ARB2A: variants seen among roughly 807,000 people sequenced by gnomAD.
ARB2A encodes ARB2 cotranscriptional regulator A.
chr5:94,001,339 C>T, the ARB2A span, among the ~76,000 whole-genome samples: 642 of 152,180 alleles, frequency 4.2e-3, 2 homozygotes, highest in Middle Eastern at 6.8e-3. Context: ...TAGTTTTCCT[C>T]AAGTAGCTCG....
At chr5:93,792,087 G>C in the ARB2A span, among the ~76,000 whole-genome samples, 3 of 152,076 alleles carry the variant, frequency 2.0e-5, no homozygotes, top group African/African-American at 7.2e-5. Flanking sequence ...AAAACAGCTA[G>C]TATCTATTAT....
At chr5:94,053,303 TTAAAG>T in the ARB2A span, 3 of 803,236 alleles carry the variant, frequency 3.7e-6, no homozygotes, top group Non-Finnish European at 5.7e-6. Flanking sequence ...TTAATTTAAT[TTAAAG>T]TATTCTTTGT....
the ARB2A span, among the ~76,000 whole-genome samples, chr5:93,641,646 C>T: frequency 1.3e-5 from 2 of 151,884 alleles, no homozygotes; most frequent in African/African-American, 4.8e-5. Flanking sequence ...CTTTGGAAAC[C>T]ACAATAATAA....
the ARB2A span, among the ~76,000 whole-genome samples, chr5:93,910,488 C>T: frequency 6.6e-6 from 1 of 151,136 alleles, no homozygotes; most frequent in Non-Finnish European, 1.5e-5. Context: ...GGGTAAACTA[C>T]TTAGGTAAAA....
chr5:93,982,830 G>A, the ARB2A span, among the ~76,000 whole-genome samples: 8 of 152,298 alleles, frequency 5.3e-5, no homozygotes, highest in South Asian at 4.1e-4. Flanking sequence ...TGAGGTGGGC[G>A]GATCACCTGA....
At chr5:93,720,867 C>A in the ARB2A span, among the ~76,000 whole-genome samples, 1 of 152,078 alleles carries the variant, frequency 6.6e-6, no homozygotes. Flanking sequence ...AAATAAGTGC[C>A]AGACTCACTG....
chr5:94,062,726 G>A, the ARB2A span, among the ~76,000 whole-genome samples: 2 of 152,138 alleles, frequency 1.3e-5, no homozygotes, highest in African/African-American at 4.8e-5. Flanking sequence ...TGAGAGCCCA[G>A]CCCCTATAGA....
chr5:94,107,756 A>G, the ARB2A span, among the ~76,000 whole-genome samples: 1 of 152,198 alleles, frequency 6.6e-6, no homozygotes, highest in African/African-American at 2.4e-5. Context: ...AACTGTATAC[A>G]GTGCACACCT....
At chr5:93,895,881 T>C in the ARB2A span, among the ~76,000 whole-genome samples, 1 of 151,946 alleles carries the variant, frequency 6.6e-6, no homozygotes, top group Non-Finnish European at 1.5e-5. Flanking sequence ...TTAATTTTAA[T>C]AGGACATAGT....
the ARB2A span, among the ~76,000 whole-genome samples, chr5:93,711,104 T>A: frequency 1.3e-5 from 2 of 151,994 alleles, no homozygotes; most frequent in African/African-American, 4.8e-5. Context: ...CCTAAAGTTA[T>A]ACAAATTTTA....
At chr5:93,907,913 C>A in the ARB2A span, among the ~76,000 whole-genome samples, 21 of 151,130 alleles carry the variant, frequency 1.4e-4, no homozygotes, top group Non-Finnish European at 2.5e-4. Context: ...GATAAGCTTT[C>A]GAAAGACATA....
the ARB2A span, among the ~76,000 whole-genome samples, chr5:93,774,920 A>T: frequency 6.6e-6 from 1 of 152,204 alleles, no homozygotes. Flanking sequence ...AGGAGCAATG[A>T]TTATTTGCTA....
the ARB2A span, among the ~76,000 whole-genome samples, chr5:93,758,751 T>C: frequency 2.6e-5 from 4 of 152,222 alleles, no homozygotes; most frequent in Non-Finnish European, 5.9e-5. Context: ...AAGGCAGTGC[T>C]AGGAGGAAAG....
the ARB2A span, among the ~76,000 whole-genome samples, chr5:94,028,966 T>C: frequency 1.3e-5 from 2 of 152,122 alleles, no homozygotes; most frequent in African/African-American, 4.8e-5. Context: ...CACAGCAAGG[T>C]TCACACACTG....
chr5:93,810,444 C>T, the ARB2A span, among the ~76,000 whole-genome samples: 2 of 152,016 alleles, frequency 1.3e-5, no homozygotes, highest in Non-Finnish European at 1.5e-5. Flanking sequence ...GCTCTGTCAT[C>T]CAGGATAGAG....
the ARB2A span, among the ~76,000 whole-genome samples, chr5:93,909,960 A>G: frequency 6.6e-6 from 1 of 151,012 alleles, no homozygotes; most frequent in Non-Finnish European, 1.5e-5. Flanking sequence ...CATAAACAGA[A>G]TAAGTATTAA....
At chr5:94,085,165 C>T in the ARB2A span, among the ~76,000 whole-genome samples, 1 of 152,224 alleles carries the variant, frequency 6.6e-6, no homozygotes, top group African/African-American at 2.4e-5. Flanking sequence ...TGATCTTATA[C>T]ATGTACACCA....
chr5:93,866,853 T>C, the ARB2A span, among the ~76,000 whole-genome samples: 1 of 152,224 alleles, frequency 6.6e-6, no homozygotes, highest in Non-Finnish European at 1.5e-5. Flanking sequence ...TCTACTAAGT[T>C]TTAGATATTA....
At chr5:93,733,726 T>A in the ARB2A span, 2 of 152,318 alleles carry the variant, frequency 1.3e-5, no homozygotes, top group East Asian at 3.9e-4. Flanking sequence ...CGAAATTTCC[T>A]TAACTATCTT....
Sources: allele counts gnomAD v4.1 joint callset (sites outside exome capture counted in the v4.1 genomes callset), GRCh38; gene constraint gnomAD v4.1.1; transcripts MANE v1.5; gene names NCBI Gene and HGNC (gene_info 2026-07-23, HGNC 2026-07-21).